STRN3: variants seen among roughly 807,000 people sequenced by gnomAD.
STRN3 encodes striatin-3.
A neutral mutation model predicts 95.6 loss-of-function variants in STRN3; 29 were observed. That is an observed-to-expected ratio of 0.30 (90% CI 0.23 to 0.41). The LOEUF is 0.41. STRN3 is among the 10% of genes least tolerant of loss of function. The probability of loss-of-function intolerance (pLI) is 1.00; values close to 1 mark genes in which losing one functional copy is unlikely to be tolerated. For synonymous variants in STRN3, 331 were observed against 357.6 expected (o/e 0.93, Z 0.84); for missense variants, 890 against 972.1 (o/e 0.92, Z 1.12).
intron 5 of STRN3, among the ~76,000 whole-genome samples, chr14:30,937,713 C>T (rs1355039898): frequency 6.6e-6 from 1 of 152,120 alleles, no homozygotes; most frequent in African/African-American, 2.4e-5. Flanking sequence ...ATCTTTTGGC[C>T]TCAATTTCTT....
chr14:31,003,659 A>G (rs1365528035), intron 1 of STRN3, among the ~76,000 whole-genome samples: 1 of 152,194 alleles, frequency 6.6e-6, no homozygotes, highest in Non-Finnish European at 1.5e-5. Context: ...CACCAGATAC[A>G]GATGCTCGAT....
chr14:31,023,842 A>AAC (rs765573550), intron 1 of STRN3, among the ~76,000 whole-genome samples: 2 of 151,574 alleles, frequency 1.3e-5, no homozygotes, highest in African/African-American at 2.4e-5. Flanking sequence ...CAAAAAAAAA[A>AAC]AAACCAACGC....
At chr14:30,921,159 C>T (rs1284744362) in intron 8 of STRN3, among the ~76,000 whole-genome samples, 3 of 151,892 alleles carry the variant, frequency 2.0e-5, no homozygotes, top group Non-Finnish European at 4.4e-5. Context: ...ACCCATTCCT[C>T]CACACCAGTT....
chr14:30,935,694 T>A lies in STRN3; in HGVS notation c.847-390A>T, dbSNP rs554240771. 2.6e-5 allele frequency among the ~76,000 whole-genome samples: 4 copies of A among 152,332 alleles called. No individual in the cohort carries two copies. In the South Asian group the frequency reaches 8.3e-4, roughly 32 times the overall value. On this transcript the variant is annotated intron_variant, in intron 6 of 17. Coordinates refer to ENST00000357479, the MANE Select transcript of STRN3 (RefSeq NM_001083893.2). ...ACTCATAGAGATATGGCATAGTAAC[T>A]AATTTAAATTCATAGCTGTGATAAT...
chr14:30,941,305 C>T, intron 5 of STRN3, among the ~76,000 whole-genome samples: 1 of 152,166 alleles, frequency 6.6e-6, no homozygotes. Context: ...ATTTCACTGA[C>T]ATATCCCAAT....
intron 1 of STRN3, among the ~76,000 whole-genome samples, chr14:30,979,308 A>G (rs1393146854): frequency 6.6e-6 from 1 of 152,152 alleles, no homozygotes; most frequent in East Asian, 1.9e-4. Flanking sequence ...TATTGTGAAG[A>G]TAAGGTCAAA....
chr14:30,934,585 C>G (rs1878724750), intron 7 of STRN3, among the ~76,000 whole-genome samples: 1 of 152,032 alleles, frequency 6.6e-6, no homozygotes, highest in African/African-American at 2.4e-5. Context: ...CACAATGTAC[C>G]ACTTCCAAAG....
At chr14:31,024,265 T>C (rs886922524) in intron 1 of STRN3, among the ~76,000 whole-genome samples, 1 of 152,204 alleles carries the variant, frequency 6.6e-6, no homozygotes, top group African/African-American at 2.4e-5. Flanking sequence ...ACTGGTGAAG[T>C]ATTATTTAGT....
chr14:30,990,335 T>C (rs1343664795), intron 1 of STRN3, among the ~76,000 whole-genome samples: 2 of 151,544 alleles, frequency 1.3e-5, no homozygotes, highest in African/African-American at 4.9e-5. Context: ...CCGGCTAATT[T>C]TTTTTTGCAT....
At chr14:30,986,284 A>C (rs1881689040) in intron 1 of STRN3, among the ~76,000 whole-genome samples, 1 of 151,760 alleles carries the variant, frequency 6.6e-6, no homozygotes. Context: ...AAGTGTTCTA[A>C]GATTAAAAGA....
intron 1 of STRN3, among the ~76,000 whole-genome samples, chr14:30,994,044 A>G (rs1280095132): frequency 2.6e-5 from 4 of 151,100 alleles, no homozygotes; most frequent in Non-Finnish European, 4.4e-5. Context: ...CACCCAGCTA[A>G]TTTTGTATTT....
chr14:31,005,325 C>G (rs1477434978), intron 1 of STRN3, among the ~76,000 whole-genome samples: 5 of 152,112 alleles, frequency 3.3e-5, no homozygotes, highest in Admixed American at 2.0e-4. Context: ...GAACGAGACT[C>G]CTCTCGTAGA....
intron 7 of STRN3, 66 bp from the exon 8 acceptor site, chr14:30,929,377 ACT>A: frequency 8.4e-7 from 1 of 1,194,596 alleles, no homozygotes; most frequent in South Asian, 1.2e-5. Flanking sequence ...TTGGCAGTAA[ACT>A]GTTATAGCTT....
chr14:30,921,069 T>TACACACACACACACACACACACACACAC (rs367677158), intron 8 of STRN3, among the ~76,000 whole-genome samples: 2 of 119,850 alleles, frequency 1.7e-5, no homozygotes, highest in East Asian at 2.4e-4. Context: ...TACACATACA[T>TACACACACACACACACACACACACACAC]ATACACACAC....
intron 14 of STRN3, 40 bp downstream of exon 14, chr14:30,906,837 A>T (rs543280632): frequency 3.3e-5 from 52 of 1,581,244 alleles, no homozygotes; most frequent in African/African-American, 9.5e-5. Context: ...CCAATTTTTT[A>T]AAAAAACTAA....
At chr14:31,017,849 G>C (rs1225204339) in intron 1 of STRN3, among the ~76,000 whole-genome samples, 1 of 152,026 alleles carries the variant, frequency 6.6e-6, no homozygotes, top group Non-Finnish European at 1.5e-5. Flanking sequence ...GGCCAAGGCG[G>C]GTGATCACTT....
At chr14:30,960,552 A>C (rs1014957781) in intron 1 of STRN3, among the ~76,000 whole-genome samples, 4 of 152,168 alleles carry the variant, frequency 2.6e-5, no homozygotes, top group African/African-American at 9.6e-5. Context: ...GTGCTTAGTA[A>C]TAGAGAATCC....
Position 30,998,840 on chromosome 14 carries a change from G to T in STRN3, c.282+27064C>A, listed in dbSNP as rs75405954. The stretch of plus-strand genomic sequence containing the variant: ...TATAGTTTTTTAGTCAGACACAGTG[G>T]CACATGCCTGTAGTCTTGGCTACTC... On this transcript the variant is annotated intron_variant, in intron 1 of 17. Coordinates refer to ENST00000357479, the MANE Select transcript of STRN3 (RefSeq NM_001083893.2). Among the ~76,000 whole-genome samples the T allele has an allele frequency of 8.8e-3, 1,345 of 152,262 alleles. 18 individuals are homozygous for T. The highest frequency in any genetic ancestry group is 0.031 in the African/African-American group (1,295 of 41,552).
chr14:30,980,578 T>C (rs957125548), intron 1 of STRN3, among the ~76,000 whole-genome samples: 2 of 151,956 alleles, frequency 1.3e-5, no homozygotes, highest in Non-Finnish European at 2.9e-5. Context: ...CAGCTAATCT[T>C]TGTATTTTTA....
Sources: allele counts gnomAD v4.1 joint callset (sites outside exome capture counted in the v4.1 genomes callset), GRCh38; gene constraint gnomAD v4.1.1; transcripts MANE v1.5; gene names NCBI Gene and HGNC (gene_info 2026-07-23, HGNC 2026-07-21).